The following PRDM5 variants were observed in gnomAD, a reference collection of about 807,000 sequenced individuals.
PRDM5 encodes the protein PR/SET domain 5, also known as PR domain zinc finger protein 5.
PRDM5 carries 56 observed loss-of-function variants against 81.2 expected under a neutral mutation model. That is an observed-to-expected ratio of 0.69 (90% CI 0.56 to 0.86). The LOEUF is 0.86. PRDM5 is among the 40% of genes least tolerant of loss of function. PRDM5 has a pLI of 0.00. For synonymous variants in PRDM5, 267 were observed against 256.4 expected, an observed-to-expected ratio of 1.04 and a Z score of -0.39; for missense variants, 697 against 770.1, an observed-to-expected ratio of 0.91 and a Z score of 1.12.
chr4:120,756,780 A>G (rs1245198110), intron 13 of PRDM5, among the ~76,000 whole-genome samples: 2 of 152,234 alleles, frequency 1.3e-5, no homozygotes, highest in Non-Finnish European at 2.9e-5. Flanking sequence ...GATAGATAAT[A>G]AACAAGGCTA....
chr4:120,911,336 A>C (rs1766484642), intron 1 of PRDM5, among the ~76,000 whole-genome samples: 1 of 152,230 alleles, frequency 6.6e-6, no homozygotes, highest in Non-Finnish European at 1.5e-5. Context: ...CACTTTGTGC[A>C]GGTCAAATAA....
chr4:120,893,286 A>C (rs2148631824), intron 2 of PRDM5, among the ~76,000 whole-genome samples: 1 of 152,316 alleles, frequency 6.6e-6, no homozygotes, highest in East Asian at 1.9e-4. Flanking sequence ...GAACCTAGAC[A>C]GACTGGTGTC....
intron 3 of PRDM5, among the ~76,000 whole-genome samples, chr4:120,825,021 C>G (rs145496832): frequency 1.3e-5 from 2 of 151,468 alleles, no homozygotes; most frequent in Non-Finnish European, 2.9e-5. Flanking sequence ...ATTAATGAAC[C>G]CTGTTCCTTG....
chr4:120,795,869 C>T lies in PRDM5; in HGVS notation c.1188+2398G>A, dbSNP rs548059203. 5.3e-5 allele frequency among the ~76,000 whole-genome samples: 8 copies of T among 152,224 alleles called. No homozygotes were observed. The East Asian group carries it at 5.8e-4, about 11-fold the overall frequency. On this transcript the variant is annotated intron_variant, in intron 10 of 15. Coordinates refer to ENST00000264808, the MANE Select transcript of PRDM5 (RefSeq NM_018699.4). Reference sequence around the variant, plus strand: ...CAGAGATTACAGTGAGCCAAGATTGCGCCACTGCACTCTAGCCTGAGTGAC... The same window carrying T: ...CAGAGATTACAGTGAGCCAAGATTGTGCCACTGCACTCTAGCCTGAGTGAC...
chr4:120,806,887 G>GA (rs1753051848), intron 8 of PRDM5, among the ~76,000 whole-genome samples: 1 of 152,134 alleles, frequency 6.6e-6, no homozygotes, highest in African/African-American at 2.4e-5. Flanking sequence ...CACAGCAAAA[G>GA]AAACTACCAT....
intron 14 of PRDM5, among the ~76,000 whole-genome samples, chr4:120,748,642 C>CT (rs1743504059): frequency 1.4e-5 from 2 of 140,798 alleles, no homozygotes; most frequent in African/African-American, 5.2e-5. Flanking sequence ...CCCTCTCTCT[C>CT]AAAAAAAAAA....
chr4:120,885,134 C>CAAAAAAAA (rs60623556), intron 2 of PRDM5, among the ~76,000 whole-genome samples: 27 of 50,126 alleles, frequency 5.4e-4, no homozygotes, highest in Non-Finnish European at 7.1e-4. Flanking sequence ...GACTCCGTAT[C>CAAAAAAAA]AAAAAAAAAA....
At chr4:120,727,913 G>A (rs28564955) in intron 14 of PRDM5, among the ~76,000 whole-genome samples, 4,726 of 151,026 alleles carry the variant, frequency 0.031, 250 homozygotes, top group African/African-American at 0.11. Context: ...TCCAACCTGG[G>A]TGACAGAGTG....
chr4:120,896,590 T>C (rs1439451334), intron 2 of PRDM5: 1 of 151,962 alleles, frequency 6.6e-6, no homozygotes, highest in Non-Finnish European at 1.5e-5. Context: ...CTTTGGAAAT[T>C]TCCTCACTGG....
At chr4:120,792,122 G>A (rs550296897) in intron 10 of PRDM5, among the ~76,000 whole-genome samples, 15 of 152,248 alleles carry the variant, frequency 9.9e-5, no homozygotes, top group South Asian at 2.1e-4. Flanking sequence ...AACTGTGACC[G>A]AAAGTATGTC....
intron 8 of PRDM5, among the ~76,000 whole-genome samples, chr4:120,806,616 T>C (rs2149310131): frequency 6.6e-6 from 1 of 152,328 alleles, no homozygotes; most frequent in African/African-American, 2.4e-5. Flanking sequence ...CCCTATTTAA[T>C]AAATGGTGCT....
chr4:120,710,475 A>G, intron 14 of PRDM5, 62 bp from the exon 15 acceptor site: 1 of 1,301,940 alleles, frequency 7.7e-7, no homozygotes, highest in Non-Finnish European at 1.1e-6. Flanking sequence ...AGAGTCCTCC[A>G]TATTCAGGTG....
intron 14 of PRDM5, among the ~76,000 whole-genome samples, chr4:120,729,305 A>G (rs567684877): frequency 6.6e-6 from 1 of 152,312 alleles, no homozygotes; most frequent in Non-Finnish European, 1.5e-5. Flanking sequence ...TTAATGAATG[A>G]CCTTTACCCT....
At chr4:120,795,366 A>G (rs567249719) in intron 10 of PRDM5, among the ~76,000 whole-genome samples, 85 of 152,308 alleles carry the variant, frequency 5.6e-4, no homozygotes, top group African/African-American at 1.9e-3. Context: ...GGTGAAGAGT[A>G]ATTGAACGGT....
intron 1 of PRDM5, among the ~76,000 whole-genome samples, chr4:120,921,440 T>C (rs1048664955): frequency 6.6e-6 from 1 of 152,198 alleles, no homozygotes; most frequent in Non-Finnish European, 1.5e-5. Context: ...GGAGATCATG[T>C]TGTCAGTGGA....
intron 10 of PRDM5, among the ~76,000 whole-genome samples, chr4:120,785,696 T>C (rs560040689): frequency 7.0e-4 from 107 of 152,258 alleles, no homozygotes; most frequent in Non-Finnish European, 1.3e-3. Context: ...TTCACTTAAT[T>C]ACAACAGTAA....
chr4:120,814,544 T>A (rs1434536834), intron 7 of PRDM5, among the ~76,000 whole-genome samples: 2 of 152,240 alleles, frequency 1.3e-5, no homozygotes, highest in Non-Finnish European at 2.9e-5. Context: ...TGGAAAAATG[T>A]GATCCATATT....
At chr4:120,857,531 G>A (rs988830268) in intron 2 of PRDM5, among the ~76,000 whole-genome samples, 9 of 152,112 alleles carry the variant, frequency 5.9e-5, no homozygotes, top group African/African-American at 1.4e-4. Context: ...TGCTACTGAC[G>A]TCACTTTTCA....
intron 3 of PRDM5, among the ~76,000 whole-genome samples, chr4:120,827,162 A>G (rs1756109059): frequency 6.6e-6 from 1 of 152,184 alleles, no homozygotes; most frequent in Admixed American, 6.5e-5. Flanking sequence ...AAAAGAAGAG[A>G]GTAGAATTTT....
Sources: allele counts gnomAD v4.1 joint callset (sites outside exome capture counted in the v4.1 genomes callset), GRCh38; gene constraint gnomAD v4.1.1; transcripts MANE v1.5; gene names NCBI Gene and HGNC (gene_info 2026-07-23, HGNC 2026-07-21).